Variants in LZTFL1 observed in about 807,000 individuals in gnomAD.
LZTFL1 encodes leucine zipper transcription factor-like protein 1.
A neutral mutation model predicts 45.9 loss-of-function variants in LZTFL1; 25 were observed. That is an observed-to-expected ratio of 0.54 (90% CI 0.40 to 0.76). LZTFL1 has a LOEUF of 0.76. Among genes scored for constraint, LZTFL1 ranks in the 30% least tolerant of loss-of-function variants. The pLI is 0.00. For missense variants in LZTFL1, 277 were observed against 331.1 expected, an observed-to-expected ratio of 0.84 and a Z score of 1.27; for synonymous variants, 93 against 117.4, an observed-to-expected ratio of 0.79 and a Z score of 1.35.
intron 3 of LZTFL1, among the ~76,000 whole-genome samples, chr3:45,855,956 C>G (rs2129880): frequency 0.64 from 97,948 of 152,038 alleles, 31,859 homozygotes; most frequent in South Asian, 0.83. Flanking sequence ...AATCAATACT[C>G]TGAAAATGGC....
intron 4 of LZTFL1, among the ~76,000 whole-genome samples, chr3:45,847,499 A>G (rs569331156): frequency 6.6e-6 from 1 of 152,322 alleles, no homozygotes; most frequent in East Asian, 1.9e-4. Flanking sequence ...GACCACTTCA[A>G]CACCTTTGAC....
intron 2 of LZTFL1, 146 bp from the exon 3 acceptor site, chr3:45,835,930 A>G: frequency 1.8e-6 from 1 of 546,094 alleles, no homozygotes; most frequent in Non-Finnish European, 3.2e-6. Flanking sequence ...CTTCTTTATT[A>G]ATAAACATTG....
chr3:45,848,447 T>C (rs1020102128), intron 4 of LZTFL1, among the ~76,000 whole-genome samples: 3 of 152,250 alleles, frequency 2.0e-5, no homozygotes, highest in African/African-American at 4.8e-5. Flanking sequence ...ATTTAAGGCT[T>C]ACAGTATTGC....
intron 2 of LZTFL1, among the ~76,000 whole-genome samples, chr3:45,865,843 G>T (rs970720886): frequency 2.6e-5 from 4 of 152,196 alleles, no homozygotes; most frequent in Admixed American, 2.6e-4. Context: ...ATACTTGAGC[G>T]TTTATAACAG....
At chr3:45,898,661 T>C (rs562688690) in intron 2 of LZTFL1, among the ~76,000 whole-genome samples, 1 of 152,374 alleles carries the variant, frequency 6.6e-6, no homozygotes, top group South Asian at 2.1e-4. Context: ...TGGGTCCTCC[T>C]GCTACTTCCT....
intron 8 of LZTFL1, among the ~76,000 whole-genome samples, chr3:45,827,693 G>A (rs1411688627): frequency 6.6e-6 from 1 of 152,030 alleles, no homozygotes; most frequent in Admixed American, 6.6e-5. Context: ...TACAGTGTTG[G>A]TAAATAACTC....
intron 2 of LZTFL1, among the ~76,000 whole-genome samples, chr3:45,899,659 G>A (rs1029198392): frequency 6.6e-6 from 1 of 152,122 alleles, no homozygotes; most frequent in Non-Finnish European, 1.5e-5. Context: ...AGTCCTAATG[G>A]GAGCCCTCAG....
Position 45,841,996 on chromosome 3 carries a change from G to A in LZTFL1, c.-5C>T. 6.2e-7 allele frequency: 1 copy of A among 1,610,496 alleles called. No individual in the cohort carries two copies. ...TGAGGGTCGGTTACTCACCATGGCGGCAGGCAGCGGCGGCAGCCTAAAGGA... is the reference window on the plus strand; with the variant it reads ...TGAGGGTCGGTTACTCACCATGGCGACAGGCAGCGGCGGCAGCCTAAAGGA... On this transcript the variant is annotated 5_prime_UTR_variant, in exon 1 of 10. Transcript: ENST00000296135.
chr3:45,859,412 A>G (rs1262469819), intron 2 of LZTFL1, among the ~76,000 whole-genome samples: 1 of 151,984 alleles, frequency 6.6e-6, no homozygotes, highest in Non-Finnish European at 1.5e-5. Flanking sequence ...GTTGTTGTAG[A>G]GACAGCGTCT....
intron 9 of LZTFL1, 26 bp from the exon 10 acceptor site, chr3:45,826,358 T>C: frequency 1.9e-6 from 3 of 1,593,166 alleles, no homozygotes; most frequent in East Asian, 2.2e-5. Context: ...AAGAACACAA[T>C]GTCAGGATAC....
intron 2 of LZTFL1, among the ~76,000 whole-genome samples, chr3:45,878,536 C>T (rs1311503930): frequency 6.7e-6 from 1 of 149,344 alleles, no homozygotes; most frequent in Non-Finnish European, 1.5e-5. Flanking sequence ...AATGTAATTT[C>T]TTATTTAAAA....
chr3:45,900,194 G>A lies in LZTFL1; in HGVS notation c.-215+12926C>T, dbSNP rs1190395513. On this transcript the variant is annotated intron_variant, in intron 2 of 4. Transcript: ENST00000472635. This position sits in a 1 kb window ranked among gnomAD's most constrained non-coding sequence, Gnocchi z 4.7. ...AAATTCCTAATAATTTTTGGACCAC[G>A]GGTCCTGCTAACTATAGAGCAGGTC... Among the ~76,000 whole-genome samples, 8 of 152,004 alleles carry A rather than the reference G, an allele frequency of 5.3e-5. No individual in the cohort carries two copies. Among genetic ancestry groups the A allele is most frequent in the South Asian group, 2.1e-4 (1 of 4,818 alleles).
At chr3:45,908,626 G>A (rs1415068735) in intron 2 of LZTFL1, among the ~76,000 whole-genome samples, 2 of 152,188 alleles carry the variant, frequency 1.3e-5, no homozygotes, top group African/African-American at 2.4e-5. Context: ...TGACCTACAG[G>A]AAGCAGGGGA....
rs938666747 is a variant in LZTFL1 at position 45,842,055 on chromosome 3, G to T, written c.-64C>A. 2 of 1,601,684 alleles carry T rather than the reference G, an allele frequency of 1.2e-6. No individual in the cohort carries two copies. The highest frequency in any genetic ancestry group is 1.7e-5 in the Admixed American group (1 of 58,884). On this transcript the variant is annotated 5_prime_UTR_variant, in exon 1 of 10. Coordinates refer to ENST00000296135, the MANE Select transcript of LZTFL1 (RefSeq NM_020347.4). ...GGCCAGGCGGTGCCCCGCCAAGCCTGGGATCGCCGAGGGTAGTTGGACCAC... is the reference window on the plus strand; with the variant it reads ...GGCCAGGCGGTGCCCCGCCAAGCCTTGGATCGCCGAGGGTAGTTGGACCAC...
intron 2 of LZTFL1, among the ~76,000 whole-genome samples, chr3:45,904,725 T>C (rs1304058422): frequency 6.6e-6 from 1 of 152,188 alleles, no homozygotes; most frequent in Non-Finnish European, 1.5e-5. Flanking sequence ...CATTCATGAG[T>C]TGACACCTTT....
intron 2 of LZTFL1, among the ~76,000 whole-genome samples, chr3:45,836,403 C>A (rs1488899967): frequency 6.6e-6 from 1 of 152,112 alleles, no homozygotes; most frequent in Non-Finnish European, 1.5e-5. Context: ...GCCTGTAATC[C>A]CAGCACTTTG....
At chr3:45,880,830 C>G (rs570697716) in intron 2 of LZTFL1, among the ~76,000 whole-genome samples, 1 of 152,168 alleles carries the variant, frequency 6.6e-6, no homozygotes, top group Non-Finnish European at 1.5e-5. Flanking sequence ...TGTGAGGGCC[C>G]CCTTCCCACG....
intron 4 of LZTFL1, among the ~76,000 whole-genome samples, chr3:45,853,146 T>C (rs1412569468): frequency 6.6e-6 from 1 of 152,242 alleles, no homozygotes; most frequent in African/African-American, 2.4e-5. Flanking sequence ...TCATAACCCT[T>C]TTCATGAGCT....
At chr3:45,862,362 G>A (rs1282223649) in intron 2 of LZTFL1, among the ~76,000 whole-genome samples, 1 of 152,208 alleles carries the variant, frequency 6.6e-6, no homozygotes, top group African/African-American at 2.4e-5. Context: ...TGAGGATCTG[G>A]GATGTGGTGG....
Sources: gnomAD v4.1 joint callset for allele counts (sites outside exome capture counted in the v4.1 genomes callset) on GRCh38, gnomAD v4.1.1 for gene constraint, Gnocchi (gnomAD v3.1) non-coding constraint, MANE v1.5 for transcripts, NCBI Gene and HGNC (gene_info 2026-07-23, HGNC 2026-07-21) for gene names.